ZNF320: variants seen among roughly 807,000 people sequenced by gnomAD.
ZNF320 encodes the protein zinc finger gene 320.
Under a neutral mutation model 6.8 loss-of-function variants are expected in ZNF320, and 2 were observed. The ratio of observed to expected loss-of-function variants is 0.29; its 90% CI spans 0.12 to 0.93. The LOEUF (loss-of-function observed/expected upper bound fraction) is 0.93. Ranked by LOEUF, ZNF320 falls within the 40% of genes least tolerant of loss-of-function variation. The probability of loss-of-function intolerance (pLI) is 0.55; values close to 1 mark genes in which losing one functional copy is unlikely to be tolerated. For missense variants in ZNF320, 472 were observed against 611.0 expected (o/e 0.77, Z 2.40); for synonymous variants, 208 against 203.2 (o/e 1.02, Z -0.20).
chr19:52,868,470 T>A (rs1176151135), intron 5 of ZNF320, among the ~76,000 whole-genome samples: 2 of 150,122 alleles, frequency 1.3e-5, no homozygotes, highest in African/African-American at 4.9e-5. Context: ...TGCGCCACTG[T>A]AGTCCAGCCT....
At chr19:52,870,658 C>T (rs4803015) in intron 5 of ZNF320, among the ~76,000 whole-genome samples, 28,933 of 151,706 alleles carry the variant, frequency 0.19, 3,132 homozygotes, top group Non-Finnish European at 0.24. Context: ...CCCAGCTACT[C>T]GAGGTGCTCA....
At position 52,865,458 on chromosome 19, in the gene ZNF320, CAT is replaced by C. The variant is rs1190915606; in HGVS notation, c.224-1301_224-1300del. 6.3e-3 allele frequency: 862 copies of C among 137,532 alleles called. 37 individuals carry two copies. Among genetic ancestry groups the C allele is most frequent in the African/African-American group, 0.028 (814 of 29,558 alleles). 8.5% of individuals were successfully genotyped at this position (137,532 alleles called of 1,614,324 possible). On this transcript the variant is annotated intron_variant, in intron 5 of 5. Coordinates refer to the ZNF320 transcript ENST00000673631. Reference sequence around the variant, plus strand: ...TTTATATATATATATATATGTAATACATATATATATATTACATATATATATAA... The same window carrying C: ...TTTATATATATATATATATGTAATACATATATATATTACATATATATATAA...
exon 6 of ZNF320, among the ~76,000 whole-genome samples, chr19:52,860,976 G>T (rs781602191): frequency 3.3e-5 from 5 of 151,766 alleles, no homozygotes; most frequent in African/African-American, 4.9e-5. Context: ...CTGCACTTTA[G>T]TCTGGGCGAC....
At chr19:52,898,404 T>C (rs1348988218), upstream of ZNF320, among the ~76,000 whole-genome samples, 1 of 152,174 alleles carries the variant, frequency 6.6e-6, no homozygotes, top group Admixed American at 6.5e-5. Flanking sequence ...GCAAGACCGC[T>C]GAGCCCGGAG....
chr19:52,888,043 A>G, intron 5 of ZNF320, 84 bp downstream of exon 5: 1 of 1,590,638 alleles, frequency 6.3e-7, no homozygotes, highest in South Asian at 1.2e-5. Context: ...TAGTCAAGCA[A>G]GGATGCAACT....
chr19:52,899,992 C>T (rs1348182107), upstream of ZNF320, among the ~76,000 whole-genome samples: 2 of 152,138 alleles, frequency 1.3e-5, no homozygotes, highest in African/African-American at 2.4e-5. Context: ...GGCTATGCTT[C>T]GTTTTTCACA....
At chr19:52,871,095 T>G (rs913735967) in intron 5 of ZNF320, among the ~76,000 whole-genome samples, 1 of 152,278 alleles carries the variant, frequency 6.6e-6, no homozygotes, top group African/African-American at 2.4e-5. Flanking sequence ...TGCAGTCAGC[T>G]GACAGCCTGT....
upstream of ZNF320, among the ~76,000 whole-genome samples, chr19:52,900,468 A>G (rs1351605096): frequency 6.6e-6 from 1 of 152,302 alleles, no homozygotes; most frequent in Admixed American, 6.5e-5. Context: ...TCCTATGGCC[A>G]TTGATCTCTT....
chr19:52,859,750 A>C (rs2063475569), downstream of ZNF320, among the ~76,000 whole-genome samples: 1 of 152,178 alleles, frequency 6.6e-6, no homozygotes, highest in African/African-American at 2.4e-5. Flanking sequence ...CAATGATGCC[A>C]AAAGGTCTTA....
rs1244834487 is a variant in ZNF320, at chr19:52,887,740, T to C, written c.142+387A>G. The stretch of plus-strand genomic sequence containing the variant: ...GAGCTGGGATTGCAGGTGTGCACCA[T>C]GACGTCCGGCTAATTTTTGTATTTT... On this transcript the variant is annotated intron_variant, in intron 5 of 5. Coordinates refer to ENST00000682928, the MANE Select transcript of ZNF320 (RefSeq NM_001351774.2). Among the ~76,000 whole-genome samples the C allele has an allele frequency of 2.0e-5, 3 of 152,096 alleles. No homozygotes were observed. In the East Asian group the frequency reaches 5.8e-4, roughly 29 times the overall value.
At chr19:52,893,228 T>C (rs1385957640) in intron 2 of ZNF320, among the ~76,000 whole-genome samples, 1 of 152,058 alleles carries the variant, frequency 6.6e-6, no homozygotes, top group Non-Finnish European at 1.5e-5. Flanking sequence ...AAGAACACCT[T>C]GTGTCACCAT....
chr19:52,884,500 T>C (rs1342085230), intron 5 of ZNF320, among the ~76,000 whole-genome samples: 1 of 152,112 alleles, frequency 6.6e-6, no homozygotes, highest in Non-Finnish European at 1.5e-5. Context: ...GTGGTTTTAG[T>C]AGAGATGGGG....
chr19:52,886,676 C>T (rs2064089325), intron 5 of ZNF320, among the ~76,000 whole-genome samples: 1 of 152,150 alleles, frequency 6.6e-6, no homozygotes, highest in African/African-American at 2.4e-5. Flanking sequence ...CAGCTCGCGC[C>T]TGTAATCCCA....
At chr19:52,869,416 CGAA>C (rs1376010997) in intron 5 of ZNF320, among the ~76,000 whole-genome samples, 1 of 152,070 alleles carries the variant, frequency 6.6e-6, no homozygotes, top group East Asian at 1.9e-4. Flanking sequence ...AGTGCAGCAG[CGAA>C]GGAGACCATG....
chr19:52,898,112 A>G (rs2064528194), upstream of ZNF320, among the ~76,000 whole-genome samples: 1 of 152,246 alleles, frequency 6.6e-6, no homozygotes, highest in African/African-American at 2.4e-5. Context: ...AATGCAAACT[A>G]GAATGCGAAA....
intron 5 of ZNF320, among the ~76,000 whole-genome samples, chr19:52,885,265 G>C (rs2147838399): frequency 6.7e-6 from 1 of 150,186 alleles, no homozygotes; most frequent in Non-Finnish European, 1.5e-5. Flanking sequence ...CATATATAAA[G>C]TTCTCCAGTA....
intron 5 of ZNF320, among the ~76,000 whole-genome samples, chr19:52,869,885 T>C (rs1386699415): frequency 1.3e-5 from 2 of 151,844 alleles, no homozygotes; most frequent in Non-Finnish European, 2.9e-5. Flanking sequence ...CTGGCTAATG[T>C]TTTTTGTATT....
chr19:52,886,702 G>A (rs988634029), intron 5 of ZNF320, among the ~76,000 whole-genome samples: 7 of 152,092 alleles, frequency 4.6e-5, no homozygotes, highest in Non-Finnish European at 7.4e-5. Context: ...TTGGGAAGCC[G>A]AAGCAGGTGA....
intron 5 of ZNF320, chr19:52,865,352 T>C (rs570824613): frequency 9.7e-5 from 31 of 320,890 alleles, no homozygotes; most frequent in Middle Eastern, 9.5e-4. Context: ...GGAGGGACAT[T>C]TTCCTCACCC....
Sources: allele counts gnomAD v4.1 joint callset (sites outside exome capture counted in the v4.1 genomes callset), GRCh38; gene constraint gnomAD v4.1.1; transcripts MANE v1.5; gene names NCBI Gene and HGNC (gene_info 2026-07-23, HGNC 2026-07-21).